The following PHACTR3 variants were observed in gnomAD, a reference collection of about 807,000 sequenced individuals.
The protein encoded by PHACTR3 is phosphatase and actin regulator 3, also known as protein phosphatase 1, regulatory subunit 123.
In PHACTR3, 16 loss-of-function variants were observed where a neutral mutation model predicts 66.8. The observed-to-expected ratio is 0.24, with a 90% CI of 0.16 to 0.36. The LOEUF (loss-of-function observed/expected upper bound fraction) is 0.36, where lower values mean the gene tolerates loss of function less well. PHACTR3 is among the 10% of genes least tolerant of loss of function. The pLI, the probability that PHACTR3 is intolerant of heterozygous loss-of-function variation, is 1.00. For missense variants in PHACTR3, 647 were observed against 719.9 expected (o/e 0.90, Z 1.16); for synonymous variants, 323 against 292.1 (o/e 1.11, Z -1.08).
intron 1 of PHACTR3, among the ~76,000 whole-genome samples, chr20:59,686,602 ATGG>A (rs1443476328): frequency 2.0e-5 from 3 of 150,422 alleles, no homozygotes; most frequent in Non-Finnish European, 3.0e-5. Flanking sequence ...GGTGATGATG[ATGG>A]TGGTGATGAT....
rs564816188 is a variant in PHACTR3 at position 59,732,272 on chromosome 20, G to A, written c.119-10835G>A. 9.0e-4 allele frequency among the ~76,000 whole-genome samples: 137 copies of A among 152,266 alleles called. 1 individual carries two copies. In the Middle Eastern group the frequency reaches 0.014, roughly 15 times the overall value. On this transcript the variant is annotated intron_variant, in intron 1 of 12. Coordinates refer to ENST00000371015, the MANE Select transcript of PHACTR3 (RefSeq NM_080672.5). ...GTAAACTGAAGAGCAGAGAGGCTGC[G>A]GCAGACCTGCCATTTACCAGCTGTG...
chr20:59,596,411 G>A (rs1269076281), intron 1 of PHACTR3, among the ~76,000 whole-genome samples: 1 of 152,150 alleles, frequency 6.6e-6, no homozygotes, highest in Non-Finnish European at 1.5e-5. Context: ...CAGAGTGCTG[G>A]GTTTATAGGC....
chr20:59,643,252 G>A (rs145400940), intron 1 of PHACTR3, among the ~76,000 whole-genome samples: 1,596 of 152,234 alleles, frequency 0.01, 30 homozygotes, highest in Non-Finnish European at 0.011. Context: ...AAGGTGAGAA[G>A]GTATCCTGCA....
chr20:59,782,840 A>G (rs2040770312), intron 7 of PHACTR3, among the ~76,000 whole-genome samples: 1 of 152,114 alleles, frequency 6.6e-6, no homozygotes, highest in Admixed American at 6.5e-5. Context: ...TCCTAAGACA[A>G]ATGTGTGACG....
intron 3 of PHACTR3, among the ~76,000 whole-genome samples, chr20:59,749,217 A>G (rs907473163): frequency 6.6e-5 from 10 of 152,172 alleles, no homozygotes; most frequent in African/African-American, 2.4e-4. Flanking sequence ...CATTTTGAAT[A>G]TGTTGCCAAC....
intron 1 of PHACTR3, among the ~76,000 whole-genome samples, chr20:59,717,636 C>T (rs150429232): frequency 3.3e-5 from 5 of 152,012 alleles, no homozygotes; most frequent in South Asian, 2.1e-4. Context: ...AACCCACCCC[C>T]CAGCCCGTGT....
chr20:59,692,735 G>A (rs1305671114), intron 1 of PHACTR3, among the ~76,000 whole-genome samples: 1 of 152,170 alleles, frequency 6.6e-6, no homozygotes, highest in Admixed American at 6.5e-5. Context: ...TTGGAACCAG[G>A]GAGCCTTGGT....
intron 11 of PHACTR3, 53 bp downstream of exon 11, chr20:59,841,588 A>G: frequency 2.6e-6 from 4 of 1,560,320 alleles, no homozygotes; most frequent in Non-Finnish European, 2.6e-6. Flanking sequence ...ATAAAGGCAA[A>G]ATATGTCATG....
intron 1 of PHACTR3, among the ~76,000 whole-genome samples, chr20:59,722,398 C>T (rs562149156): frequency 6.6e-6 from 1 of 152,258 alleles, no homozygotes; most frequent in South Asian, 2.1e-4. Context: ...GAGAGGGTGG[C>T]TGATTGGAAG....
At position 59,738,821 on chromosome 20, in the gene PHACTR3, G is replaced by A. The variant is rs574520476; in HGVS notation, c.119-4286G>A. On this transcript the variant is annotated intron_variant, in intron 1 of 12. Transcript: ENST00000371015. This position sits in a 1 kb window ranked among gnomAD's most constrained non-coding sequence, Gnocchi z 4.4. The stretch of plus-strand genomic sequence containing the variant: ...AAAGCAATGATTATGCTCCATCCTC[G>A]TCTCCTCTGCTCATCCCTGGAGATC... Among the ~76,000 whole-genome samples the A allele has an allele frequency of 7.9e-5, 12 of 152,224 alleles. No homozygotes were observed. The highest frequency in any genetic ancestry group is 1.9e-4 in the East Asian group (1 of 5,178).
chr20:59,771,866 A>G (rs554032430), intron 5 of PHACTR3, among the ~76,000 whole-genome samples: 6 of 152,346 alleles, frequency 3.9e-5, no homozygotes, highest in Non-Finnish European at 7.3e-5. Context: ...CCAGGATTGT[A>G]TTGGAAGTTT....
chr20:59,801,448 T>C (rs934089342), intron 7 of PHACTR3, among the ~76,000 whole-genome samples: 2 of 152,248 alleles, frequency 1.3e-5, no homozygotes, highest in East Asian at 1.9e-4. Flanking sequence ...CAGAAGTTAA[T>C]GTCATAGCTT....
At chr20:59,817,706 C>A (rs2041925660) in intron 8 of PHACTR3, among the ~76,000 whole-genome samples, 1 of 152,204 alleles carries the variant, frequency 6.6e-6, no homozygotes, top group Non-Finnish European at 1.5e-5. Context: ...TCACCCCTGG[C>A]CACATGTCAG....
intron 8 of PHACTR3, among the ~76,000 whole-genome samples, chr20:59,832,388 T>A (rs1406587977): frequency 6.6e-6 from 1 of 152,160 alleles, no homozygotes; most frequent in Non-Finnish European, 1.5e-5. Flanking sequence ...TAACAAGTAT[T>A]AATTTGGAGT....
chr20:59,812,026 C>T (rs538272586), intron 8 of PHACTR3, among the ~76,000 whole-genome samples: 1 of 152,362 alleles, frequency 6.6e-6, no homozygotes, highest in African/African-American at 2.4e-5. Flanking sequence ...GTCACCTGCA[C>T]GGGGCAGAGG....
chr20:59,673,568 G>T (rs563809304), intron 1 of PHACTR3, among the ~76,000 whole-genome samples: 1 of 152,322 alleles, frequency 6.6e-6, no homozygotes, highest in East Asian at 1.9e-4. Context: ...AGCTGGCCTG[G>T]CAGCACCTGG....
chr20:59,616,269 T>C (rs566248989), intron 1 of PHACTR3, among the ~76,000 whole-genome samples: 1 of 152,206 alleles, frequency 6.6e-6, no homozygotes, highest in South Asian at 2.1e-4. Context: ...GAGCTAGCAT[T>C]CGCCTCCTCC....
intron 1 of PHACTR3, among the ~76,000 whole-genome samples, chr20:59,717,285 A>G (rs1257899788): frequency 2.0e-5 from 3 of 152,200 alleles, no homozygotes; most frequent in African/African-American, 7.2e-5. Context: ...TGAAGTTTTT[A>G]TTGAGATAAT....
At chr20:59,578,356 G>A (rs2032774414) in intron 1 of PHACTR3, among the ~76,000 whole-genome samples, 1 of 152,206 alleles carries the variant, frequency 6.6e-6, no homozygotes, top group Non-Finnish European at 1.5e-5. Context: ...CCCGGAGTGG[G>A]GTGGAGGAGA....
Sources: allele counts gnomAD v4.1 joint callset (sites outside exome capture counted in the v4.1 genomes callset), GRCh38; gene constraint gnomAD v4.1.1; non-coding constraint Gnocchi (gnomAD v3.1); transcripts MANE v1.5; gene names NCBI Gene and HGNC (gene_info 2026-07-23, HGNC 2026-07-21).